Variants in MASTL observed in about 807,000 individuals in gnomAD.
MASTL encodes serine/threonine-protein kinase greatwall.
A neutral mutation model predicts 82.5 loss-of-function variants in MASTL; 54 were observed. That is an observed-to-expected ratio of 0.65 (90% CI 0.53 to 0.82). The LOEUF is 0.82. Ranked by LOEUF, MASTL falls within the 40% of genes least tolerant of loss-of-function variation. The probability of loss-of-function intolerance (pLI) is 0.00; values close to 1 mark genes in which losing one functional copy is unlikely to be tolerated. For missense variants in MASTL, 950 were observed against 1,047.8 expected, an observed-to-expected ratio of 0.91 and a Z score of 1.29; for synonymous variants, 323 against 368.9, an observed-to-expected ratio of 0.88 and a Z score of 1.43.
chr10:27,182,955 A>G (rs2058411883), intron 11 of MASTL, among the ~76,000 whole-genome samples: 1 of 152,074 alleles, frequency 6.6e-6, no homozygotes, highest in African/African-American at 2.4e-5. Context: ...TCCTAAAACA[A>G]TCTTGTTAGT....
chr10:27,160,085 T>C (rs902047497), intron 3 of MASTL, among the ~76,000 whole-genome samples: 9 of 150,540 alleles, frequency 6.0e-5, no homozygotes, highest in African/African-American at 2.2e-4. Flanking sequence ...AGCCTCGACC[T>C]CTGGGGCTCA....
rs2058259674 is a variant in MASTL at position 27,181,012 on chromosome 10, C to T, written c.2326C>T (p.Pro776Ser). The T allele has an allele frequency of 6.2e-7, 1 of 1,613,354 alleles. No individual in the cohort carries two copies. Among genetic ancestry groups the T allele is most frequent in the South Asian group, 1.1e-5 (1 of 91,082 alleles). ...VCLFEFLTGI[P>S]PFNDETPQQV... ...CTTGTTTGAATTTCTAACAGGAATT[C>T]CCCCTTTCAATGATGAAACACCACA... Residue 776 changes from proline (P) to serine (S), a missense_variant, in exon 10 of 12, where the codon CCC (proline) becomes TCC (serine). Coordinates refer to ENST00000375940, the MANE Select transcript of MASTL (RefSeq NM_001172303.3).
chr10:27,162,541 C>G (rs2057605227), intron 4 of MASTL, among the ~76,000 whole-genome samples: 1 of 152,108 alleles, frequency 6.6e-6, no homozygotes, highest in South Asian at 2.1e-4. Context: ...TGGTGGCACA[C>G]GCCTGTAGTC....
chr10:27,183,917 G>A (rs559139324), intron 11 of MASTL, among the ~76,000 whole-genome samples: 1 of 152,236 alleles, frequency 6.6e-6, no homozygotes, highest in Admixed American at 6.5e-5. Context: ...TTGCTGTGTT[G>A]CCCAGGCTGG....
In MASTL at chr10:27,159,506, A is replaced by C; in HGVS notation, c.325-113A>C. 1 of 695,766 alleles carries C rather than the reference A, an allele frequency of 1.4e-6. No homozygotes were observed. The highest frequency in any genetic ancestry group is 2.5e-6 in the Non-Finnish European group (1 of 402,366). The allele number at this position is 695,766 out of a possible 1,614,324, so 43.1% of individuals were successfully genotyped here. ...ATGTATTACGAGTAATAGCAAGAAA[A>C]GGTCGTTTCATTACAGAGCCATGCC... On this transcript the variant is annotated intron_variant, in intron 2 of 11. Transcript: ENST00000375940. The surrounding 1 kb of genome is among the most constrained non-coding windows in gnomAD (Gnocchi z 4.0).
At chr10:27,185,618 C>CAA (rs34847161) in intron 11 of MASTL, among the ~76,000 whole-genome samples, 3,370 of 98,428 alleles carry the variant, frequency 0.034, 118 homozygotes, top group Non-Finnish European at 0.051. Flanking sequence ...AGGTGACAGA[C>CAA]AAAAAAAAAA....
chr10:27,179,258 T>TA (rs1457826101), intron 9 of MASTL, among the ~76,000 whole-genome samples: 2 of 152,130 alleles, frequency 1.3e-5, no homozygotes, highest in African/African-American at 2.4e-5. Flanking sequence ...AAATAATCGT[T>TA]AAAAACATCT....
At chr10:27,167,979 G>A (rs1053891578) in intron 7 of MASTL, among the ~76,000 whole-genome samples, 1 of 152,184 alleles carries the variant, frequency 6.6e-6, no homozygotes, top group Non-Finnish European at 1.5e-5. Flanking sequence ...AGAGCTAAGA[G>A]ATACTAAAGG....
In MASTL at chr10:27,186,708, G is replaced by T; in HGVS notation, c.*172G>T. 1 of 647,438 alleles carries T rather than the reference G, an allele frequency of 1.5e-6. No homozygotes were observed. The highest frequency in any genetic ancestry group is 1.8e-5 in the South Asian group (1 of 55,702). 40.1% of individuals were successfully genotyped at this position (647,438 alleles called of 1,614,324 possible). ...GAGTTAAAAGGCTGAAAGGAATATA[G>T]TCAGTAATTTATCTTAACCTCAAAA... On this transcript the variant is annotated 3_prime_UTR_variant, in exon 12 of 12. Coordinates refer to ENST00000375940, the MANE Select transcript of MASTL (RefSeq NM_001172303.3).
chr10:27,165,207 C>T (rs2057702861), intron 5 of MASTL, 37 bp downstream of exon 5: 1 of 1,443,090 alleles, frequency 6.9e-7, no homozygotes, highest in African/African-American at 1.4e-5. Context: ...TGACATACCC[C>T]TTCATGATCA....
Position 27,186,876 on chromosome 10 carries a change from CT to C in MASTL, c.*341del, listed in dbSNP as rs1202418066. 3.1e-6 allele frequency: 1 copy of C among 321,018 alleles called. No homozygotes were observed. The highest frequency in any genetic ancestry group is 5.9e-6 in the Non-Finnish European group (1 of 169,168). The allele number at this position is 321,018 out of a possible 1,614,324, so 19.9% of individuals were successfully genotyped here. On this transcript the variant is annotated 3_prime_UTR_variant, in exon 12 of 12. Transcript: ENST00000375940. Reference sequence around the variant, plus strand: ...TTCTTTCTCCTCTGATTTCAGTTCACTGTTCAGTTTAGCATTAAAATAATAA... The same window carrying C: ...TTCTTTCTCCTCTGATTTCAGTTCACGTTCAGTTTAGCATTAAAATAATAA...
At position 27,170,982 on chromosome 10, in the gene MASTL, A is replaced by C. The variant is rs370074666; in HGVS notation, c.2023A>C (p.Met675Leu). The C allele has an allele frequency of 1.9e-6, 3 of 1,613,972 alleles. No homozygotes were observed. The African/African-American group carries it at 4.0e-5, about 22-fold the overall frequency. Residue 675 changes from methionine (M) to leucine (L), a missense_variant, in exon 8 of 12, where the codon ATG (methionine) becomes CTG (leucine). Met to Leu is a conservative substitution (Grantham distance 15). Transcript: ENST00000375940. ...SNNSEPSRMN[M>L]TSLDAMDISC... ...TAACTCAGAACCATCCAGAATGAACATGACTTCTTTAGATGCAATGGATAT... is the reference window on the plus strand; with the variant it reads ...TAACTCAGAACCATCCAGAATGAACCTGACTTCTTTAGATGCAATGGATAT...
intron 3 of MASTL, among the ~76,000 whole-genome samples, chr10:27,160,811 G>A (rs750101046): frequency 2.6e-5 from 4 of 151,644 alleles, no homozygotes; most frequent in Non-Finnish European, 5.9e-5. Flanking sequence ...GCTTGAGGTT[G>A]ATTTTATCTA....
rs369916275 is a variant in MASTL at position 27,186,504 on chromosome 10, C to T, written c.2608C>T (p.Gln870Ter). ...TSYFEARNTA[Q>*]HLTVSGFSL ...CTATTTTGAAGCCAGGAATACTGCTCAGCACCTGACTGTATCTGGATTTAG... is the reference window on the plus strand; with the variant it reads ...CTATTTTGAAGCCAGGAATACTGCTTAGCACCTGACTGTATCTGGATTTAG... The change falls in exon 12 of 12, where the codon CAG becomes TAG. Residue 870 changes from glutamine to a stop codon, truncating the protein, a stop_gained. Transcript: ENST00000375940. LOFTEE classifies it high-confidence loss of function. The T allele has an allele frequency of 2.5e-6, 4 of 1,613,964 alleles. No individual in the cohort carries two copies. The African/African-American group carries it at 4.0e-5, about 16-fold the overall frequency.
At chr10:27,182,874 C>T (rs190325244) in intron 11 of MASTL, among the ~76,000 whole-genome samples, 287 of 151,554 alleles carry the variant, frequency 1.9e-3, no homozygotes, top group Middle Eastern at 6.8e-3. Context: ...TCTTGAACTC[C>T]TGGGCTCAAA....
chr10:27,170,238 G>A lies in MASTL; in HGVS notation c.1279G>A (p.Ala427Thr). ...QLGFHQSNQW[A>T]VDSGGISEEH... is the part of the protein sequence containing the mutation. ...AGGTTTCCATCAGTCAAATCAGTGG[G>A]CTGTGGATTCTGGTGGGATATCTGA... The change falls in exon 8 of 12, where the codon GCT becomes ACT. Residue 427 changes from alanine (A) to threonine (T), a missense_variant. Coordinates refer to ENST00000375940, the MANE Select transcript of MASTL (RefSeq NM_001172303.3). 1.9e-6 allele frequency: 3 copies of A among 1,614,096 alleles called. No homozygotes were observed. Among genetic ancestry groups the A allele is most frequent in the Non-Finnish European group, 2.5e-6 (3 of 1,180,032 alleles).
chr10:27,179,009 CA>C (rs1041287689), intron 9 of MASTL, among the ~76,000 whole-genome samples: 22 of 152,250 alleles, frequency 1.4e-4, no homozygotes, highest in African/African-American at 4.8e-4. Context: ...TCAGATTCCA[CA>C]ATGCTTTCCT....
intron 9 of MASTL, among the ~76,000 whole-genome samples, chr10:27,176,953 G>C (rs1033806502): frequency 6.6e-6 from 1 of 150,816 alleles, no homozygotes; most frequent in Admixed American, 6.7e-5. Context: ...TCAAGCAGTT[G>C]TTTGCCTCAG....
intron 11 of MASTL, among the ~76,000 whole-genome samples, chr10:27,182,618 C>T (rs1357465743): frequency 1.3e-5 from 2 of 152,074 alleles, no homozygotes; most frequent in Non-Finnish European, 2.9e-5. Context: ...GCAGTGCGCA[C>T]CTGTAGTTCC....
Sources: allele counts gnomAD v4.1 joint callset (sites outside exome capture counted in the v4.1 genomes callset), GRCh38; gene constraint gnomAD v4.1.1; non-coding constraint Gnocchi (gnomAD v3.1); transcripts MANE v1.5; gene names NCBI Gene and HGNC (gene_info 2026-07-23, HGNC 2026-07-21).